STK24: variants seen among roughly 807,000 people sequenced by gnomAD.
STK24 encodes serine/threonine kinase 24, also known as serine/threonine-protein kinase 24.
Under a neutral mutation model 55.6 loss-of-function variants are expected in STK24, and 21 were observed. The ratio of observed to expected loss-of-function variants is 0.38; its 90% confidence interval spans 0.27 to 0.54. The LOEUF is 0.54. Among genes scored for constraint, STK24 ranks in the 20% least tolerant of loss-of-function variants. The probability of loss-of-function intolerance (pLI) is 0.79; values close to 1 mark genes in which losing one functional copy is unlikely to be tolerated. For synonymous variants in STK24, 200 were observed against 215.2 expected (o/e 0.93, Z 0.62); for missense variants, 383 against 538.4 (o/e 0.71, Z 2.86).
intron 3 of STK24, among the ~76,000 whole-genome samples, chr13:98,477,365 G>T (rs181328822): frequency 1.3e-5 from 2 of 152,110 alleles, no homozygotes; most frequent in South Asian, 4.1e-4. Flanking sequence ...GAATCCAGTC[G>T]ACCAAAGATC....
intron 1 of STK24, among the ~76,000 whole-genome samples, chr13:98,549,122 T>C (rs1566399869): frequency 6.6e-6 from 1 of 152,236 alleles, no homozygotes; most frequent in Non-Finnish European, 1.5e-5. Context: ...GAGAATTTTT[T>C]TCTTCTGACC....
At chr13:98,529,917 G>C (rs1896537326) in intron 1 of STK24, among the ~76,000 whole-genome samples, 2 of 152,166 alleles carry the variant, frequency 1.3e-5, no homozygotes, top group Admixed American at 1.3e-4. Flanking sequence ...CCTTATAAAG[G>C]TAACCATTAA....
In STK24 at chr13:98,482,248, T is replaced by C. The variant is rs1894618637; in HGVS notation, c.330+17A>G. On this transcript the variant is annotated intron_variant, in intron 3 of 10. Coordinates refer to ENST00000539966, the MANE Select transcript of STK24 (RefSeq NM_001032296.4). The stretch of plus-strand genomic sequence containing the variant: ...AAAAAGCTTTGATACGTATTCTGCA[T>C]CCAACATAATACTTACTAGATCTAG... The C allele has an allele frequency of 1.4e-6, 2 of 1,463,174 alleles. No individual in the cohort carries two copies. Among genetic ancestry groups the C allele is most frequent in the Admixed American group, 2.1e-5 (1 of 46,832 alleles). 90.6% of individuals were successfully genotyped at this position (1,463,174 alleles called of 1,614,324 possible). A position where few individuals can be genotyped will look rare whatever the true frequency, so the allele number is the denominator to read the frequency against.
Position 98,474,994 on chromosome 13 carries a change from A to G in STK24, c.440-16T>C, listed in dbSNP as rs754055696. 7 of 1,604,152 alleles carry G rather than the reference A, an allele frequency of 4.4e-6. No homozygotes were observed. Among genetic ancestry groups the G allele is most frequent in the South Asian group, 2.2e-5 (2 of 89,516 alleles). On this transcript the variant is annotated splice_polypyrimidine_tract_variant and intron_variant, in intron 4 of 10. Transcript: ENST00000539966. Reference sequence around the variant, plus strand: ...ACGTTGGCCGCTGCAAAAGAAAGCCAAGGCGGCCCTGGGCGGTGCGGACTT... The same window carrying G: ...ACGTTGGCCGCTGCAAAAGAAAGCCGAGGCGGCCCTGGGCGGTGCGGACTT...
chr13:98,447,928 T>C lies in STK24; in HGVS notation c.*5245A>G, dbSNP rs1266121907. On this transcript the variant is annotated 3_prime_UTR_variant, in exon 11 of 11. Transcript: ENST00000539966. ...GTCCCGCCATTCTCTGCCATGTCCA[T>C]GAAAATAGGAGGTAGCGTTCTCCCC... The C allele has an allele frequency of 2.5e-6, 1 of 403,720 alleles. No homozygotes were observed. The highest frequency in any genetic ancestry group is 4.5e-6 in the Non-Finnish European group (1 of 222,354). The allele number at this position is 403,720 out of a possible 1,614,324, so 25.0% of individuals were successfully genotyped here. A position where few individuals can be genotyped will look rare whatever the true frequency, so the allele number is the denominator to read the frequency against.
chr13:98,455,924 A>G (rs983179713), intron 10 of STK24: 4 of 152,340 alleles, frequency 2.6e-5, no homozygotes, highest in Non-Finnish European at 5.9e-5. Context: ...TGCCTCTAGA[A>G]TGAGGTATGT....
At chr13:98,562,026 G>A (rs1897437347) in intron 1 of STK24, among the ~76,000 whole-genome samples, 1 of 149,428 alleles carries the variant, frequency 6.7e-6, no homozygotes, top group Non-Finnish European at 1.5e-5. Flanking sequence ...TTGTATTAAA[G>A]GAGGCACAGA....
At chr13:98,466,884 G>A (rs1385756038) in intron 5 of STK24, among the ~76,000 whole-genome samples, 1 of 152,208 alleles carries the variant, frequency 6.6e-6, no homozygotes, top group African/African-American at 2.4e-5. Context: ...GAGAGGAGGA[G>A]TCCGGAGTGG....
chr13:98,575,987 C>G, intron 1 of STK24: 1 of 983,136 alleles, frequency 1.0e-6, no homozygotes. Flanking sequence ...CAAGGTGTCA[C>G]CAAGTACCGA....
At chr13:98,559,303 G>A (rs1405408251) in intron 1 of STK24, among the ~76,000 whole-genome samples, 1 of 152,266 alleles carries the variant, frequency 6.6e-6, no homozygotes, top group South Asian at 2.1e-4. Flanking sequence ...GGAGGTAACC[G>A]AATCACAGGA....
chr13:98,474,769 G>A (rs374010823), intron 5 of STK24, 52 bp downstream of exon 5: 156 of 1,539,692 alleles, frequency 1.0e-4, no homozygotes, highest in Non-Finnish European at 1.3e-4. Context: ...AACAAAAGGC[G>A]GGAGCCCTCC....
intron 2 of STK24, among the ~76,000 whole-genome samples, chr13:98,493,931 C>T (rs1443227956): frequency 6.6e-6 from 1 of 150,494 alleles, no homozygotes; most frequent in Non-Finnish European, 1.5e-5. Context: ...CAAGCTCCGC[C>T]TCCCGGGTTC....
At chr13:98,542,838 C>G (rs1448752640) in intron 1 of STK24, 1 of 982,452 alleles carries the variant, frequency 1.0e-6, no homozygotes, top group African/African-American at 1.8e-5. Context: ...AGTACCAACG[C>G]TTACCCTGTA....
intron 1 of STK24, among the ~76,000 whole-genome samples, chr13:98,544,570 G>A (rs1048510746): frequency 9.8e-5 from 15 of 152,304 alleles, no homozygotes; most frequent in African/African-American, 2.6e-4. Flanking sequence ...AGAGCCGCCC[G>A]CCCCAGGAGG....
intron 6 of STK24, among the ~76,000 whole-genome samples, chr13:98,465,822 A>G (rs1314016001): frequency 2.0e-5 from 3 of 152,250 alleles, no homozygotes; most frequent in Non-Finnish European, 4.4e-5. Context: ...GTCCTAATTC[A>G]GACAGAAAAT....
At chr13:98,576,079 G>C in intron 1 of STK24, 2 of 984,818 alleles carry the variant, frequency 2.0e-6, no homozygotes, top group Non-Finnish European at 2.4e-6. Context: ...GGCCGGGCCC[G>C]GGACCCTGGT....
At chr13:98,497,568 T>C (rs1432181956) in intron 2 of STK24, among the ~76,000 whole-genome samples, 1 of 152,202 alleles carries the variant, frequency 6.6e-6, no homozygotes, top group Non-Finnish European at 1.5e-5. Flanking sequence ...TGACCTGTCA[T>C]GCTCTTTGAG....
chr13:98,573,393 C>T (rs988763512), intron 1 of STK24, among the ~76,000 whole-genome samples: 10 of 152,306 alleles, frequency 6.6e-5, no homozygotes, highest in East Asian at 1.9e-4. Flanking sequence ...CAATGAAAGA[C>T]GGAGTACTTA....
At position 98,446,069 on chromosome 13, in the gene STK24, TGCTTCTCACAGGCCTCC is replaced by T; in HGVS notation, c.*7087_*7103del. 1 of 1,506,076 alleles carries T rather than the reference TGCTTCTCACAGGCCTCC, an allele frequency of 6.6e-7. No individual in the cohort carries two copies. 93.3% of individuals were successfully genotyped at this position (1,506,076 alleles called of 1,614,324 possible). A position where few individuals can be genotyped will look rare whatever the true frequency, so the allele number is the denominator to read the frequency against. ...GCCCTCCTGGGGCAGGTGCCCGCTG[TGCTTCTCACAGGCCTCC>T]TTGCCTTTCAGAATCAGTTGTCTGG... On this transcript the variant is annotated 3_prime_UTR_variant, in exon 11 of 11. Transcript: ENST00000539966.
Sources: allele counts gnomAD v4.1 joint callset (sites outside exome capture counted in the v4.1 genomes callset), GRCh38; gene constraint gnomAD v4.1.1; transcripts MANE v1.5; gene names NCBI Gene and HGNC (gene_info 2026-07-23, HGNC 2026-07-21).